The following ZNF787 variants were observed in gnomAD, a reference collection of about 807,000 sequenced individuals.
The protein encoded by ZNF787 is zinc finger protein 787.
Under a neutral mutation model 16.9 loss-of-function variants are expected in ZNF787, and 7 were observed. The observed-to-expected ratio is 0.42, with a 90% confidence interval of 0.24 to 0.78. The LOEUF (loss-of-function observed/expected upper bound fraction) is 0.78, where lower values mean the gene tolerates loss of function less well. Ranked by LOEUF, ZNF787 falls within the 30% of genes least tolerant of loss-of-function variation. The pLI is 0.30. For synonymous variants in ZNF787, 345 were observed against 270.9 expected, an observed-to-expected ratio of 1.27 and a Z score of -2.69; for missense variants, 551 against 589.3, an observed-to-expected ratio of 0.94 and a Z score of 0.67.
intron 1 of ZNF787, among the ~76,000 whole-genome samples, chr19:56,112,560 C>T (rs896163830): frequency 5.3e-5 from 8 of 151,180 alleles, no homozygotes; most frequent in African/African-American, 1.9e-4. Context: ...CCTCCTCCTC[C>T]CCCCGCACTC....
Position 56,103,238 on chromosome 19 carries a change from G to A in ZNF787, c.-10-11C>T, listed in dbSNP as rs1230339009. 3 of 1,536,130 alleles carry A rather than the reference G, an allele frequency of 2.0e-6. No homozygotes were observed. Among genetic ancestry groups the A allele is most frequent in the Non-Finnish European group, 2.6e-6 (3 of 1,141,558 alleles). On this transcript the variant is annotated splice_polypyrimidine_tract_variant and intron_variant, in intron 1 of 2. Coordinates refer to ENST00000610935, the MANE Select transcript of ZNF787 (RefSeq NM_001002836.4). ...TCCATGTCTGGGTCCCTGTTAGAAG[G>A]GGATGAGACAGAAGGACAGAGTTTA...
intron 2 of ZNF787, among the ~76,000 whole-genome samples, chr19:56,101,450 G>C (rs922542618): frequency 6.6e-6 from 1 of 152,236 alleles, no homozygotes; most frequent in Non-Finnish European, 1.5e-5. Flanking sequence ...GGCTGGACAA[G>C]GGGACCTGAC....
rs572179408 is a variant in ZNF787, at chr19:56,087,723, G to A, written c.*300C>T. 1.1e-5 allele frequency: 3 copies of A among 271,396 alleles called. No individual in the cohort carries two copies. The highest frequency in any genetic ancestry group is 1.6e-4 in the South Asian group (1 of 6,158). The allele number at this position is 271,396 out of a possible 1,614,324, so 16.8% of individuals were successfully genotyped here. On this transcript the variant is annotated 3_prime_UTR_variant, in exon 3 of 3. Coordinates refer to ENST00000610935, the MANE Select transcript of ZNF787 (RefSeq NM_001002836.4). Reference sequence around the variant, plus strand: ...GCAGGGAAAATGGCCTTCCGCTTGGGGCCTGGTCGCCACTCGGCCTCTGCA... The same window carrying A: ...GCAGGGAAAATGGCCTTCCGCTTGGAGCCTGGTCGCCACTCGGCCTCTGCA...
rs374697875 is a variant in ZNF787 at position 56,088,144 on chromosome 19, G to A, written c.1028C>T (p.Ala343Val). 12 of 1,553,438 alleles carry A rather than the reference G, an allele frequency of 7.7e-6. No individual in the cohort carries two copies. Among genetic ancestry groups the A allele is most frequent in the East Asian group, 2.6e-5 (1 of 38,630 alleles). Residue 343 changes from alanine (A) to valine (V), a missense_variant, in exon 3 of 3, where the codon GCG becomes GTG. Transcript: ENST00000610935. This position sits in a 1 kb window ranked among gnomAD's most constrained non-coding sequence, Gnocchi z 8.6. ...RRHKKIHAVG[A>V]PSVCSSCGQS... Reference sequence around the variant, plus strand: ...TCCGCAGCTGCTGCAGACCGAGGGCGCGCCCACCGCGTGGATCTTCTTGTG... The same window carrying A: ...TCCGCAGCTGCTGCAGACCGAGGGCACGCCCACCGCGTGGATCTTCTTGTG...
At chr19:56,094,491 T>A (rs904392370) in intron 2 of ZNF787, among the ~76,000 whole-genome samples, 4 of 152,078 alleles carry the variant, frequency 2.6e-5, no homozygotes, top group Non-Finnish European at 5.9e-5. Context: ...TTTTTCTCAT[T>A]TTAAAATGAT....
chr19:56,116,140 T>TA (rs35103717), intron 1 of ZNF787, among the ~76,000 whole-genome samples: 23 of 150,728 alleles, frequency 1.5e-4, no homozygotes, highest in South Asian at 6.3e-4. Flanking sequence ...AAAACTGCTC[T>TA]AAAAAAAAAT....
intron 1 of ZNF787, among the ~76,000 whole-genome samples, chr19:56,116,569 T>C (rs2030144285): frequency 6.6e-6 from 1 of 151,898 alleles, no homozygotes; most frequent in Non-Finnish European, 1.5e-5. Context: ...TTAAAATATA[T>C]ACATATATGA....
rs767626310 is a variant in ZNF787, at chr19:56,089,125, AAG to A, written c.80-35_80-34del. 5 of 1,417,168 alleles carry A rather than the reference AAG, an allele frequency of 3.5e-6. No homozygotes were observed. The African/African-American group carries it at 5.9e-5, about 17-fold the overall frequency. 87.8% of individuals were successfully genotyped at this position (1,417,168 alleles called of 1,614,324 possible). The stretch of plus-strand genomic sequence containing the variant: ...GCAAGAGGGTAGGGGGAGGTGAGTC[AAG>A]AGAGGCAAGGGCTCCACGCCTGCCT... On this transcript the variant is annotated intron_variant, in intron 2 of 2. Transcript: ENST00000610935.
At chr19:56,105,095 G>A (rs1273384324) in intron 1 of ZNF787, among the ~76,000 whole-genome samples, 2 of 151,998 alleles carry the variant, frequency 1.3e-5, no homozygotes, top group African/African-American at 2.4e-5. Flanking sequence ...ACTCCAGCCT[G>A]GGCGACAGAG....
intron 2 of ZNF787, among the ~76,000 whole-genome samples, chr19:56,091,057 C>A (rs746645474): frequency 6.3e-4 from 96 of 152,316 alleles, no homozygotes; most frequent in South Asian, 1.5e-3. Flanking sequence ...TGGCATGGAG[C>A]CCACTGCGTT....
Position 56,106,685 on chromosome 19 carries a change from C to T in ZNF787, c.-10-3458G>A, listed in dbSNP as rs533936944. Among the ~76,000 whole-genome samples, 66 of 126,854 alleles carry T rather than the reference C, an allele frequency of 5.2e-4. No individual in the cohort carries two copies. In the Middle Eastern group the frequency reaches 0.014, roughly 26 times the overall value. 83.2% of individuals were successfully genotyped at this position (126,854 alleles called of 152,430 possible). The stretch of plus-strand genomic sequence containing the variant: ...ACAACCTCAACACCGGAAGAGAAAA[C>T]CCAGGCGAGGCCCCCTTGGGCTGAA... On this transcript the variant is annotated intron_variant, in intron 1 of 2. Transcript: ENST00000610935.
chr19:56,104,926 C>T (rs1242941325), intron 1 of ZNF787, among the ~76,000 whole-genome samples: 2 of 152,182 alleles, frequency 1.3e-5, no homozygotes, highest in African/African-American at 4.8e-5. Flanking sequence ...GTCTGGAGTT[C>T]GAGACCAGCC....
chr19:56,094,343 T>A (rs755774013), intron 2 of ZNF787, among the ~76,000 whole-genome samples: 1 of 151,996 alleles, frequency 6.6e-6, no homozygotes, highest in Non-Finnish European at 1.5e-5. Flanking sequence ...ATTTTGTGTG[T>A]GTGTGCTCTT....
chr19:56,117,776 C>T (rs138478280), intron 1 of ZNF787, among the ~76,000 whole-genome samples: 1,879 of 152,306 alleles, frequency 0.012, 27 homozygotes, highest in Non-Finnish European at 0.02. Context: ...CACTTGAGGG[C>T]GGGGCTATTT....
chr19:56,108,199 C>T (rs1311584164), intron 1 of ZNF787, among the ~76,000 whole-genome samples: 2 of 151,996 alleles, frequency 1.3e-5, no homozygotes, highest in African/African-American at 2.4e-5. Context: ...CAGGAGGCGC[C>T]GCTCCCCGCT....
At chr19:56,096,724 A>C (rs1226046665) in intron 2 of ZNF787, among the ~76,000 whole-genome samples, 2 of 152,056 alleles carry the variant, frequency 1.3e-5, no homozygotes, top group Non-Finnish European at 2.9e-5. Flanking sequence ...GAAAATAAAT[A>C]AATAAATAAA....
intron 2 of ZNF787, among the ~76,000 whole-genome samples, chr19:56,098,328 G>A (rs1985947418): frequency 2.6e-5 from 4 of 152,256 alleles, no homozygotes; most frequent in Admixed American, 2.6e-4. Context: ...CCTGGCCAGT[G>A]AGGCCTGCCT....
At chr19:56,110,912 A>T (rs1451113084) in intron 1 of ZNF787, among the ~76,000 whole-genome samples, 1 of 152,222 alleles carries the variant, frequency 6.6e-6, no homozygotes, top group East Asian at 1.9e-4. Flanking sequence ...GGCACAAGGC[A>T]TGATTCCTGC....
chr19:56,095,158 T>C (rs1472889399), intron 2 of ZNF787, among the ~76,000 whole-genome samples: 1 of 152,102 alleles, frequency 6.6e-6, no homozygotes, highest in Non-Finnish European at 1.5e-5. Flanking sequence ...AGACCCCTCA[T>C]ATGTGCAGTT....
Sources: allele counts gnomAD v4.1 joint callset (sites outside exome capture counted in the v4.1 genomes callset), GRCh38; gene constraint gnomAD v4.1.1; non-coding constraint Gnocchi (gnomAD v3.1); transcripts MANE v1.5; gene names NCBI Gene and HGNC (gene_info 2026-07-23, HGNC 2026-07-21).